The following HPGDS variants were observed in gnomAD, a reference collection of about 807,000 sequenced individuals.
HPGDS encodes the protein GST class-sigma.
A neutral mutation model predicts 23.1 loss-of-function variants in HPGDS; 26 were observed. The observed-to-expected ratio is 1.13, with a 90% confidence interval of 0.83 to 1.56. HPGDS has a LOEUF of 1.56. Ranked by LOEUF, HPGDS falls within the 40% of genes most tolerant of loss-of-function variation. HPGDS has a pLI of 0.00. For synonymous variants in HPGDS, 95 were observed against 77.9 expected (o/e 1.22, Z -1.16); for missense variants, 268 against 236.4 (o/e 1.13, Z -0.88).
chr4:94,323,590 C>CT (rs960025847), intron 2 of HPGDS, among the ~76,000 whole-genome samples: 54 of 151,106 alleles, frequency 3.6e-4, no homozygotes, highest in East Asian at 9.7e-4. Flanking sequence ...GCAACCCCTC[C>CT]TTTTTTTTTG....
chr4:94,318,702 G>A (rs1756444167), intron 2 of HPGDS, among the ~76,000 whole-genome samples: 1 of 152,076 alleles, frequency 6.6e-6, no homozygotes, highest in Non-Finnish European at 1.5e-5. Flanking sequence ...TGTGCAGTCT[G>A]TAGCTTATGG....
intron 2 of HPGDS, among the ~76,000 whole-genome samples, chr4:94,318,721 A>T (rs747673182): frequency 6.6e-6 from 1 of 152,014 alleles, no homozygotes; most frequent in Non-Finnish European, 1.5e-5. Flanking sequence ...GGATTAAAAA[A>T]ATTTTTTTTG....
chr4:94,310,121 G>A (rs1239440230), intron 3 of HPGDS, among the ~76,000 whole-genome samples: 3 of 152,236 alleles, frequency 2.0e-5, no homozygotes, highest in East Asian at 3.9e-4. Flanking sequence ...CTGTGCAGAA[G>A]CTCTTTAGTT....
At chr4:94,331,941 A>T (rs976553395) in intron 2 of HPGDS, among the ~76,000 whole-genome samples, 1 of 152,162 alleles carries the variant, frequency 6.6e-6, no homozygotes, top group African/African-American at 2.4e-5. Context: ...GCCCAACATA[A>T]GAAAATCTAT....
intron 2 of HPGDS, chr4:94,334,263 G>A (rs1265379204): frequency 2.8e-6 from 1 of 353,044 alleles, no homozygotes; most frequent in Non-Finnish European, 5.0e-6. Context: ...AGCTCATATT[G>A]TCTGCTAAAG....
chr4:94,339,194 C>G (rs1252350525), intron 1 of HPGDS, among the ~76,000 whole-genome samples: 1 of 152,212 alleles, frequency 6.6e-6, no homozygotes, highest in Admixed American at 6.5e-5. Flanking sequence ...ATTTGACTAG[C>G]ATAGCAAAAC....
intron 2 of HPGDS, among the ~76,000 whole-genome samples, chr4:94,324,212 C>A (rs142803396): frequency 6.6e-6 from 1 of 152,110 alleles, no homozygotes; most frequent in Non-Finnish European, 1.5e-5. Flanking sequence ...TCATTTCAAC[C>A]TTGGTGAATC....
At chr4:94,342,607 A>G (rs183456724) in intron 1 of HPGDS, among the ~76,000 whole-genome samples, 188 bp downstream of exon 1, 172 of 152,288 alleles carry the variant, frequency 1.1e-3, no homozygotes, top group African/African-American at 4.0e-3. Context: ...AAAAATGACT[A>G]TTTGAGTTTC....
chr4:94,299,529 A>G lies in HPGDS; in HGVS notation c.551T>C (p.Ile184Thr), dbSNP rs928240684. ...TTTTATCCAGTTAGCGACGGCAGGA[A>G]TGGCTTGGACTTTCTTCCGTAAAGT... is the stretch of plus-strand genomic sequence containing the variant. ...LVTLRKKVQA[I>T]PAVANWIKRR... The change falls in exon 6 of 6, where the codon ATT (isoleucine) becomes ACT (threonine). Residue 184 changes from isoleucine to threonine, a missense_variant. Coordinates refer to ENST00000295256, the MANE Select transcript of HPGDS (RefSeq NM_014485.3). 3 of 1,613,810 alleles carry G rather than the reference A, an allele frequency of 1.9e-6. No homozygotes were observed. The highest frequency in any genetic ancestry group is 2.5e-6 in the Non-Finnish European group (3 of 1,179,948).
At chr4:94,315,052 C>T (rs1756367327) in intron 3 of HPGDS, among the ~76,000 whole-genome samples, 2 of 152,158 alleles carry the variant, frequency 1.3e-5, no homozygotes. Flanking sequence ...TTTTCCTTGG[C>T]TAGGAAAGAT....
rs140205921 is a variant in HPGDS, at chr4:94,322,282, G to C, written c.134-4317C>G. Among the ~76,000 whole-genome samples, 514 of 152,268 alleles carry C rather than the reference G, an allele frequency of 3.4e-3. 2 individuals carry two copies. Among genetic ancestry groups the C allele is most frequent in the African/African-American group, 0.012 (497 of 41,552 alleles). On this transcript the variant is annotated intron_variant, in intron 2 of 5. Transcript: ENST00000295256. ...CAGGGTGATGCTGGCCTCATAAAAT[G>C]AGTTAGGGAGGACTCCCTCTTTTTC...
rs1381456086 is a variant in HPGDS, at chr4:94,302,153, C to A, written c.428G>T (p.Gly143Val). 6.2e-7 allele frequency: 1 copy of A among 1,601,708 alleles called. No individual in the cohort carries two copies. The highest frequency in any genetic ancestry group is 8.6e-7 in the Non-Finnish European group (1 of 1,169,278). The change falls in exon 5 of 6, where the codon GGT becomes GTT. Residue 143 changes from glycine (G) to valine (V), a missense_variant. Physicochemically the swap from Gly to Val is moderately radical, Grantham distance 109. Coordinates refer to ENST00000295256, the MANE Select transcript of HPGDS (RefSeq NM_014485.3). ...TYLGGREWLI[G>V]NSVTWADFYW... ...GATATAAAACATACTCACAGAGTTA[C>A]CAATAAGCCATTCTCTCCCCCCTAA...
chr4:94,319,349 G>A (rs1756458757), intron 2 of HPGDS, among the ~76,000 whole-genome samples: 1 of 151,914 alleles, frequency 6.6e-6, no homozygotes, highest in Admixed American at 6.6e-5. Context: ...CATGCTTTTG[G>A]TTCCTGTTTT....
Position 94,299,519 on chromosome 4 carries a change from G to C in HPGDS, c.561C>G (p.Val187=), listed in dbSNP as rs768212908. 3 of 1,613,558 alleles carry C rather than the reference G, an allele frequency of 1.9e-6. No individual in the cohort carries two copies. The highest frequency in any genetic ancestry group is 3.3e-5 in the Admixed American group (2 of 59,950). Residue 187 remains valine (V), a synonymous_variant, in exon 6 of 6, where the codon GTC becomes GTG. Coordinates refer to ENST00000295256, the MANE Select transcript of HPGDS (RefSeq NM_014485.3). ...GGGGCCTTCGTTTTATCCAGTTAGC[G>C]ACGGCAGGAATGGCTTGGACTTTCT... ...LRKKVQAIPA[V]ANWIKRRPQT...
At chr4:94,320,868 T>G (rs550336126) in intron 2 of HPGDS, among the ~76,000 whole-genome samples, 116 of 152,310 alleles carry the variant, frequency 7.6e-4, no homozygotes, top group African/African-American at 2.6e-3. Context: ...ATTGCCTAGG[T>G]TTTCTTCTAG....
intron 1 of HPGDS, among the ~76,000 whole-genome samples, chr4:94,340,849 C>T (rs11943977): frequency 0.62 from 69,778 of 113,342 alleles, 22,038 homozygotes; most frequent in African/African-American, 0.72. Flanking sequence ...TTTTTTCTTT[C>T]TTTTTTTTTT....
Position 94,321,661 on chromosome 4 carries a change from G to T in HPGDS, c.134-3696C>A, listed in dbSNP as rs193165288. ...TTGCTTATCAGCTTAAGGAGATTTT[G>T]GGCTGAGATGATGGGGTTTTCTAAA... On this transcript the variant is annotated intron_variant, in intron 2 of 5. Transcript: ENST00000295256. Among the ~76,000 whole-genome samples, 412 of 152,218 alleles carry T rather than the reference G, an allele frequency of 2.7e-3. 1 individual carries two copies. The highest frequency in any genetic ancestry group is 0.01 in the Middle Eastern group (3 of 294).
At chr4:94,339,266 T>G (rs115691232) in intron 1 of HPGDS, among the ~76,000 whole-genome samples, 450 of 152,338 alleles carry the variant, frequency 3.0e-3, no homozygotes, top group African/African-American at 0.01. Context: ...TCCACTGTCG[T>G]TGTGTTAAGA....
chr4:94,332,027 A>C (rs1756744477), intron 2 of HPGDS, among the ~76,000 whole-genome samples: 1 of 152,094 alleles, frequency 6.6e-6, no homozygotes, highest in African/African-American at 2.4e-5. Flanking sequence ...GCCTTTTCCA[A>C]AACTACCTAT....
Sources: gnomAD v4.1 joint callset for allele counts (sites outside exome capture counted in the v4.1 genomes callset) on GRCh38, gnomAD v4.1.1 for gene constraint, MANE v1.5 for transcripts, NCBI Gene and HGNC (gene_info 2026-07-23, HGNC 2026-07-21) for gene names.